ITGB5: variants seen among roughly 807,000 people sequenced by gnomAD.
The protein encoded by ITGB5 is integrin subunit beta 5, also known as integrin beta-5.
ITGB5 carries 38 observed loss-of-function variants against 84.8 expected under a neutral mutation model. The ratio of observed to expected loss-of-function variants is 0.45; its 90% CI spans 0.35 to 0.59. The LOEUF is 0.59. Ranked by LOEUF, ITGB5 falls within the 20% of genes least tolerant of loss-of-function variation. The pLI, the probability that ITGB5 is intolerant of heterozygous loss-of-function variation, is 0.01. For synonymous variants in ITGB5, 393 were observed against 414.4 expected, an observed-to-expected ratio of 0.95 and a Z score of 0.63; for missense variants, 905 against 1,034.5, an observed-to-expected ratio of 0.87 and a Z score of 1.72.
intron 7 of ITGB5, among the ~76,000 whole-genome samples, chr3:124,818,356 C>T (rs2064639425): frequency 6.6e-6 from 1 of 152,080 alleles, no homozygotes. Context: ...GGATGGGCTT[C>T]CTCCCCCAAG....
chr3:124,900,812 C>A (rs1170527785), intron 1 of ITGB5, among the ~76,000 whole-genome samples: 1 of 152,058 alleles, frequency 6.6e-6, no homozygotes, highest in Non-Finnish European at 1.5e-5. Flanking sequence ...GATTTATCTC[C>A]TTTTTAATTT....
At chr3:124,775,047 G>C (rs1288517616) in intron 10 of ITGB5, among the ~76,000 whole-genome samples, 2 of 152,234 alleles carry the variant, frequency 1.3e-5, no homozygotes, top group East Asian at 3.9e-4. Flanking sequence ...CCTCCTATGA[G>C]CACAGGCAGC....
At chr3:124,829,859 CCT>C (rs1322189491) in intron 5 of ITGB5, among the ~76,000 whole-genome samples, 4 of 152,178 alleles carry the variant, frequency 2.6e-5, no homozygotes, top group African/African-American at 4.8e-5. Flanking sequence ...TCATCACTCG[CCT>C]CTCTCTTTTA....
chr3:124,881,547 A>C (rs114869894), intron 1 of ITGB5, among the ~76,000 whole-genome samples: 1,966 of 152,276 alleles, frequency 0.013, 58 homozygotes, highest in African/African-American at 0.043. Context: ...ATAAAAGATC[A>C]GAGGACTTGT....
intron 2 of ITGB5, among the ~76,000 whole-genome samples, chr3:124,870,730 G>GA (rs1005362306): frequency 0.043 from 3,271 of 75,456 alleles, 110 homozygotes; most frequent in African/African-American, 0.13. Context: ...CATCTCAAAA[G>GA]AAAAAAAAAA....
intron 5 of ITGB5, among the ~76,000 whole-genome samples, chr3:124,827,702 C>A (rs2064802597): frequency 6.6e-6 from 1 of 152,170 alleles, no homozygotes; most frequent in Non-Finnish European, 1.5e-5. Flanking sequence ...CTGTGACCTG[C>A]ACGTATACAT....
At chr3:124,828,825 G>A (rs140881131) in intron 5 of ITGB5, among the ~76,000 whole-genome samples, 14 of 152,286 alleles carry the variant, frequency 9.2e-5, no homozygotes, top group African/African-American at 3.1e-4. Context: ...ACAGAATTTA[G>A]GTGCATGGGC....
chr3:124,828,567 G>A (rs2064817020), intron 5 of ITGB5, among the ~76,000 whole-genome samples: 1 of 152,312 alleles, frequency 6.6e-6, no homozygotes, highest in Admixed American at 6.5e-5. Context: ...ACTTTTAGGG[G>A]TGAAGGATAT....
chr3:124,875,467 ACT>A (rs1303061721), intron 1 of ITGB5, among the ~76,000 whole-genome samples: 1 of 120,680 alleles, frequency 8.3e-6, no homozygotes, highest in African/African-American at 3.4e-5. Flanking sequence ...ACAGAGCAAG[ACT>A]CTGTCTCAAA....
chr3:124,851,712 GA>G (rs949057502), intron 3 of ITGB5, among the ~76,000 whole-genome samples: 1 of 152,064 alleles, frequency 6.6e-6, no homozygotes, highest in Non-Finnish European at 1.5e-5. Context: ...TCCAGAAAGA[GA>G]GGGATGTAAG....
intron 10 of ITGB5, among the ~76,000 whole-genome samples, chr3:124,774,742 A>T (rs1050564779): frequency 6.6e-6 from 1 of 152,046 alleles, no homozygotes; most frequent in Non-Finnish European, 1.5e-5. Context: ...CTGCCCAGGG[A>T]CCCGAAACCC....
chr3:124,810,364 A>C (rs1559945820), intron 8 of ITGB5, among the ~76,000 whole-genome samples: 1 of 152,176 alleles, frequency 6.6e-6, no homozygotes, highest in Non-Finnish European at 1.5e-5. Context: ...GGGCCTGGCT[A>C]ATGTTCTGTG....
At chr3:124,793,395 G>A (rs979627593) in intron 10 of ITGB5, among the ~76,000 whole-genome samples, 4 of 152,212 alleles carry the variant, frequency 2.6e-5, no homozygotes, top group Non-Finnish European at 5.9e-5. Context: ...AGGCTGCTTA[G>A]AGCTTTTATT....
rs1278690974 is a variant in ITGB5 at position 124,848,306 on chromosome 3, T to C, written c.611+3A>G. Reference sequence around the variant, plus strand: ...CCCAACAGAAGGGCAACTGGTCACTTACCCAATGCACGGATTGGTCTGGTA... The same window carrying C: ...CCCAACAGAAGGGCAACTGGTCACTCACCCAATGCACGGATTGGTCTGGTA... On this transcript the variant is annotated splice_donor_region_variant and intron_variant, in intron 4 of 14. Transcript: ENST00000296181. The C allele has an allele frequency of 6.2e-7, 1 of 1,613,462 alleles. No homozygotes were observed. Among genetic ancestry groups the C allele is most frequent in the Non-Finnish European group, 8.5e-7 (1 of 1,179,412 alleles).
chr3:124,771,949 T>C (rs898827221), intron 11 of ITGB5, among the ~76,000 whole-genome samples: 16 of 152,134 alleles, frequency 1.1e-4, no homozygotes, highest in Admixed American at 6.6e-4. Context: ...TGCTGCTCCA[T>C]AGGAAGGCAA....
chr3:124,883,629 C>T (rs1450034234), intron 1 of ITGB5, among the ~76,000 whole-genome samples: 1 of 152,172 alleles, frequency 6.6e-6, no homozygotes, highest in Non-Finnish European at 1.5e-5. Flanking sequence ...AACATGAGTC[C>T]ACTAAATAAA....
intron 7 of ITGB5, among the ~76,000 whole-genome samples, chr3:124,817,934 T>C (rs1465905637): frequency 2.6e-5 from 4 of 152,080 alleles, no homozygotes; most frequent in Non-Finnish European, 1.5e-5. Context: ...TATAGATCCA[T>C]AGGAAAGGGG....
chr3:124,767,179 A>G (rs3772818), intron 12 of ITGB5, among the ~76,000 whole-genome samples: 25,180 of 152,218 alleles, frequency 0.17, 2,290 homozygotes, highest in Admixed American at 0.25. Context: ...GGCAATGGCA[A>G]TGGGTCCTGG....
intron 11 of ITGB5, among the ~76,000 whole-genome samples, chr3:124,772,911 CTTTTTTT>C (rs35802279): frequency 5.5e-5 from 7 of 127,328 alleles, no homozygotes; most frequent in Non-Finnish European, 9.8e-5. Flanking sequence ...CTCCAATTTA[CTTTTTTT>C]TTTTTTTTTT....
Sources: allele counts gnomAD v4.1 joint callset (sites outside exome capture counted in the v4.1 genomes callset), GRCh38; gene constraint gnomAD v4.1.1; transcripts MANE v1.5; gene names NCBI Gene and HGNC (gene_info 2026-07-23, HGNC 2026-07-21).